Variants in SCRIB observed in about 807,000 individuals in gnomAD.
SCRIB encodes the protein protein scribble homolog.
In SCRIB, 72 loss-of-function variants were observed where a neutral mutation model predicts 170.0. The ratio of observed to expected loss-of-function variants is 0.42; its 90% CI spans 0.35 to 0.52. The LOEUF (loss-of-function observed/expected upper bound fraction) is 0.52. Among genes scored for constraint, SCRIB ranks in the 20% least tolerant of loss-of-function variants. SCRIB has a pLI of 0.02. For missense variants in SCRIB, 2,475 were observed against 2,338.5 expected, an observed-to-expected ratio of 1.06 and a Z score of -1.20; for synonymous variants, 1,298 against 1,044.3, an observed-to-expected ratio of 1.24 and a Z score of -4.68.
In SCRIB at chr8:143,791,307, G is replaced by A. The variant is rs1295790940; in HGVS notation, c.4824C>T (p.Gly1608=). The A allele has an allele frequency of 4.4e-6, 7 of 1,573,154 alleles. No individual in the cohort carries two copies. The highest frequency in any genetic ancestry group is 6.0e-6 in the Non-Finnish European group (7 of 1,159,056). ...LRSLEPSPSP[G]PQEEDGEVAL... ...CCACTTCTCCATCCTCCTCCTGCGGGCCTGGAGGGCAGGGACAGGTGGGCA... is the reference window on the plus strand; with the variant it reads ...CCACTTCTCCATCCTCCTCCTGCGGACCTGGAGGGCAGGGACAGGTGGGCA... The change falls in exon 37 of 37, where the codon GGC becomes GGT. Residue 1608 remains glycine, a splice_region_variant and synonymous_variant. Coordinates refer to ENST00000356994, the MANE Select transcript of SCRIB (RefSeq NM_182706.5).
intron 4 of SCRIB, 24 bp downstream of exon 4, chr8:143,813,613 A>G: frequency 6.2e-7 from 1 of 1,612,604 alleles, no homozygotes; most frequent in Non-Finnish European, 8.5e-7. Flanking sequence ...ACCCCACCCT[A>G]GTTCCACCTG....
intron 14 of SCRIB, 43 bp downstream of exon 14, chr8:143,809,508 C>G (rs750204696): frequency 6.3e-7 from 1 of 1,581,918 alleles, no homozygotes; most frequent in Non-Finnish European, 8.6e-7. Context: ...GCAGCCCCCA[C>G]CCAGCAGGCC....
At position 143,798,739 on chromosome 8, in the gene SCRIB, C is replaced by T. The variant is rs536881139; in HGVS notation, c.3604-3209G>A. Among the ~76,000 whole-genome samples, 8 of 152,150 alleles carry T rather than the reference C, an allele frequency of 5.3e-5. No homozygotes were observed. In the South Asian group the frequency reaches 1.7e-3, roughly 32 times the overall value. ...GATTTGTTCTCTTTCTGAAAACATC[C>T]ACCTCTCAGCCTCCATCTGCTGCAG... On this transcript the variant is annotated intron_variant, in intron 24 of 36. Coordinates refer to ENST00000356994, the MANE Select transcript of SCRIB (RefSeq NM_182706.5).
chr8:143,802,578 GA>G (rs1563795495), intron 24 of SCRIB, among the ~76,000 whole-genome samples: 1 of 152,260 alleles, frequency 6.6e-6, no homozygotes, highest in Non-Finnish European at 1.5e-5. Flanking sequence ...GCCCTCCCGG[GA>G]CCCACCCTCT....
Position 143,803,485 on chromosome 8 carries a change from G to A in SCRIB, c.3501C>T (p.Gly1167=), listed in dbSNP as rs782736579. The A allele has an allele frequency of 3.7e-6, 6 of 1,601,126 alleles. No individual in the cohort carries two copies. The South Asian group carries it at 6.6e-5, about 18-fold the overall frequency. The change falls in exon 24 of 37, where the codon GGC becomes GGT. Residue 1167 remains glycine, a synonymous_variant. Coordinates refer to ENST00000356994, the MANE Select transcript of SCRIB (RefSeq NM_182706.5). ...GCTGCACCGCCTCGCCGTGCGTCAGGCCCAGCAGGCTCTGCTGGTTCACCT... is the reference window on the plus strand; with the variant it reads ...GCTGCACCGCCTCGCCGTGCGTCAGACCCAGCAGGCTCTGCTGGTTCACCT... ...LLEVNQQSLL[G]LTHGEAVQLL...
intron 26 of SCRIB, 58 bp from the exon 27 acceptor site, chr8:143,795,170 G>A (rs1416223133): frequency 1.5e-5 from 24 of 1,599,398 alleles, no homozygotes; most frequent in Non-Finnish European, 2.0e-5. Context: ...CACCCGGCCA[G>A]CACAGGGCAG....
In SCRIB at chr8:143,803,454, G is replaced by T; in HGVS notation, c.3532C>A (p.Arg1178Ser). Residue 1178 changes from arginine (R) to serine (S), a missense_variant, in exon 24 of 37, where the codon CGC (arginine) becomes AGC (serine). By Grantham distance (110) the Arg-to-Ser change is moderately radical. Coordinates refer to ENST00000356994, the MANE Select transcript of SCRIB (RefSeq NM_182706.5). ...ACGGTGAGGGTGTCGCCCACACTGC[G>T]GAGCAGCTGCACCGCCTCGCCGTGC... is the stretch of plus-strand genomic sequence containing the variant. ...LTHGEAVQLLRSVGDTLTVLV... is the reference protein window; with the variant it reads ...LTHGEAVQLLSSVGDTLTVLV... 1 of 1,597,706 alleles carries T rather than the reference G, an allele frequency of 6.3e-7. No homozygotes were observed.
intron 24 of SCRIB, 112 bp downstream of exon 24, chr8:143,803,271 C>G (rs1489982432): frequency 3.7e-6 from 4 of 1,074,752 alleles, no homozygotes; most frequent in Non-Finnish European, 5.2e-6. Context: ...CAGAGCACCG[C>G]CCAGACCCAG....
At chr8:143,814,160 G>A (rs1245927052) in intron 1 of SCRIB, 42 bp from the exon 2 acceptor site, 3 of 1,481,292 alleles carry the variant, frequency 2.0e-6, no homozygotes, top group Admixed American at 2.0e-5. Context: ...AGAGACCACT[G>A]CAGAGCAGAG....
intron 15 of SCRIB, 48 bp downstream of exon 15, chr8:143,808,561 G>A (rs761999221): frequency 6.7e-7 from 1 of 1,487,616 alleles, no homozygotes; most frequent in Admixed American, 2.5e-5. Flanking sequence ...TGGGTGCCCA[G>A]GAGGGCCAGG....
intron 18 of SCRIB, among the ~76,000 whole-genome samples, chr8:143,806,143 AAC>A (rs1815414722): frequency 6.6e-6 from 1 of 151,972 alleles, no homozygotes; most frequent in Non-Finnish European, 1.5e-5. Flanking sequence ...CTGGTAGAAA[AAC>A]ACACCTGTAC....
chr8:143,791,638 G>C, intron 35 of SCRIB, 28 bp downstream of exon 35: 2 of 1,583,634 alleles, frequency 1.3e-6, no homozygotes, highest in Non-Finnish European at 1.7e-6. Flanking sequence ...CAGGGTGGCA[G>C]GCATGCAGAG....
chr8:143,797,951 G>A (rs1815013534), intron 24 of SCRIB, among the ~76,000 whole-genome samples: 1 of 152,246 alleles, frequency 6.6e-6, no homozygotes, highest in African/African-American at 2.4e-5. Context: ...ATTCATTTAT[G>A]TATGTGCTTA....
intron 9 of SCRIB, among the ~76,000 whole-genome samples, chr8:143,811,700 G>T (rs1425898022): frequency 6.6e-6 from 1 of 152,006 alleles, no homozygotes; most frequent in Admixed American, 6.5e-5. Flanking sequence ...GGCTCCCCAG[G>T]CCCCCAGTTC....
chr8:143,795,552 A>G (rs781934405), intron 24 of SCRIB, 22 bp from the exon 25 acceptor site: 1 of 1,589,046 alleles, frequency 6.3e-7, no homozygotes, highest in Admixed American at 1.7e-5. Flanking sequence ...GGTGTGGGCT[A>G]AGAAGGGGGG....
chr8:143,797,503 T>C (rs1407261665), intron 24 of SCRIB, among the ~76,000 whole-genome samples: 3 of 152,118 alleles, frequency 2.0e-5, no homozygotes, highest in African/African-American at 4.8e-5. Flanking sequence ...AAACAGCCTA[T>C]TATATGCTCT....
intron 1 of SCRIB, among the ~76,000 whole-genome samples, chr8:143,814,341 C>T (rs1240756389): frequency 2.6e-5 from 4 of 152,072 alleles, no homozygotes; most frequent in East Asian, 3.9e-4. Flanking sequence ...TTCACACCAG[C>T]CTCCACTCTG....
intron 16 of SCRIB, among the ~76,000 whole-genome samples, chr8:143,807,332 C>G (rs889415395): frequency 7.9e-5 from 12 of 152,318 alleles, no homozygotes; most frequent in Admixed American, 7.8e-4. Context: ...CAGAGCACCA[C>G]AGGCGGCTGA....
Position 143,808,909 on chromosome 8 carries a change from C to T in SCRIB, c.1815G>A (p.Lys605=), listed in dbSNP as rs1423827848. ...AGTGCTTTTTGTAGTGAGGTGTGTC[C>T]TTGCGGATGAGCCGCTGCCTCCCGC... ...LPGGRQRLIR[K]DTPHYKKHFK... is the part of the protein sequence containing the mutation. The change falls in exon 15 of 37, where the codon AAG becomes AAA. Residue 605 remains lysine, a synonymous_variant. Transcript: ENST00000356994. 2.5e-6 allele frequency: 4 copies of T among 1,610,832 alleles called. No individual in the cohort carries two copies. Among genetic ancestry groups the T allele is most frequent in the Admixed American group, 3.3e-5 (2 of 60,020 alleles).
Sources: allele counts gnomAD v4.1 joint callset (sites outside exome capture counted in the v4.1 genomes callset), GRCh38; gene constraint gnomAD v4.1.1; transcripts MANE v1.5; gene names NCBI Gene and HGNC (gene_info 2026-07-23, HGNC 2026-07-21).